Variants in TSPAN5 observed in about 807,000 individuals in gnomAD.
The protein encoded by TSPAN5 is tetraspanin-5.
A neutral mutation model predicts 37.1 loss-of-function variants in TSPAN5; 10 were observed. The observed-to-expected ratio is 0.27, with a 90% confidence interval of 0.17 to 0.46. The LOEUF is 0.46. Among genes scored for constraint, TSPAN5 ranks in the 20% least tolerant of loss-of-function variants. The probability of loss-of-function intolerance (pLI) is 1.00; values close to 1 mark genes in which losing one functional copy is unlikely to be tolerated. For missense variants in TSPAN5, 195 were observed against 326.6 expected (o/e 0.60, Z 3.11); for synonymous variants, 110 against 118.9 (o/e 0.93, Z 0.48).
intron 1 of TSPAN5, among the ~76,000 whole-genome samples, chr4:98,555,877 C>T (rs1754730656): frequency 6.6e-6 from 1 of 152,080 alleles, no homozygotes; most frequent in Non-Finnish European, 1.5e-5. Flanking sequence ...CAAAAAGGAT[C>T]CACCACACTG....
At chr4:98,498,211 CAG>C (rs1206048461) in intron 2 of TSPAN5, among the ~76,000 whole-genome samples, 1 of 152,094 alleles carries the variant, frequency 6.6e-6, no homozygotes, top group African/African-American at 2.4e-5. Context: ...TGTGAGGAGA[CAG>C]ACACAGAGAG....
chr4:98,478,953 TA>T (rs1752771006), intron 4 of TSPAN5, 143 bp from the exon 5 acceptor site: 1 of 988,722 alleles, frequency 1.0e-6, no homozygotes, highest in African/African-American at 1.6e-5. Flanking sequence ...AAACTGAACC[TA>T]AATGGCCCAT....
intron 1 of TSPAN5, among the ~76,000 whole-genome samples, chr4:98,552,223 G>T (rs1402934667): frequency 6.6e-6 from 1 of 151,918 alleles, no homozygotes; most frequent in South Asian, 2.1e-4. Flanking sequence ...TCTGATCTTT[G>T]TCGCTTATTT....
chr4:98,579,978 A>G (rs1219082676), intron 1 of TSPAN5, among the ~76,000 whole-genome samples: 1 of 152,232 alleles, frequency 6.6e-6, no homozygotes, highest in Non-Finnish European at 1.5e-5. Flanking sequence ...CGTATCATAT[A>G]TATGACTATA....
chr4:98,479,659 A>C (rs1752790807), intron 4 of TSPAN5, among the ~76,000 whole-genome samples: 1 of 152,180 alleles, frequency 6.6e-6, no homozygotes, highest in Non-Finnish European at 1.5e-5. Flanking sequence ...CTTTAGGGTT[A>C]AGGCATACTC....
At chr4:98,524,004 G>GTA (rs546849915) in intron 1 of TSPAN5, among the ~76,000 whole-genome samples, 1 of 152,140 alleles carries the variant, frequency 6.6e-6, no homozygotes, top group Non-Finnish European at 1.5e-5. Flanking sequence ...TGTGTTTTAT[G>GTA]TATAGTAGGC....
chr4:98,546,385 T>C (rs964042800), intron 1 of TSPAN5, among the ~76,000 whole-genome samples: 2 of 152,162 alleles, frequency 1.3e-5, no homozygotes, highest in African/African-American at 4.8e-5. Flanking sequence ...TCCCTGAGTA[T>C]CCCTGAGAGG....
chr4:98,484,382 T>G, intron 3 of TSPAN5: 1 of 451,830 alleles, frequency 2.2e-6, no homozygotes, highest in Non-Finnish European at 4.4e-6. Flanking sequence ...GACGTTTACT[T>G]ACTACTTATC....
intron 1 of TSPAN5, among the ~76,000 whole-genome samples, chr4:98,615,083 G>A (rs977410710): frequency 6.6e-6 from 1 of 152,332 alleles, no homozygotes; most frequent in African/African-American, 2.4e-5. Context: ...CCCCAGTGCT[G>A]CCTTGGATCG....
intron 1 of TSPAN5, among the ~76,000 whole-genome samples, chr4:98,542,011 T>C (rs1184672752): frequency 6.6e-6 from 1 of 152,216 alleles, no homozygotes; most frequent in East Asian, 1.9e-4. Flanking sequence ...CAAAACATAT[T>C]GTCTAAAGCC....
At chr4:98,524,480 T>A (rs1753919599) in intron 1 of TSPAN5, among the ~76,000 whole-genome samples, 1 of 152,188 alleles carries the variant, frequency 6.6e-6, no homozygotes, top group Non-Finnish European at 1.5e-5. Context: ...GTGCTCCATG[T>A]CAATCCTATC....
chr4:98,569,174 C>A (rs771205939), intron 1 of TSPAN5, among the ~76,000 whole-genome samples: 1 of 152,162 alleles, frequency 6.6e-6, no homozygotes, highest in Non-Finnish European at 1.5e-5. Flanking sequence ...TGGCTTCCCA[C>A]GAAGGCCTGA....
chr4:98,634,171 C>T (rs1169423370), intron 1 of TSPAN5, among the ~76,000 whole-genome samples: 1 of 152,142 alleles, frequency 6.6e-6, no homozygotes, highest in African/African-American at 2.4e-5. Flanking sequence ...CTCCATTTCA[C>T]AAAGCACTGA....
At chr4:98,496,161 G>C (rs1321920246) in intron 2 of TSPAN5, among the ~76,000 whole-genome samples, 2 of 152,178 alleles carry the variant, frequency 1.3e-5, no homozygotes, top group African/African-American at 4.8e-5. Context: ...GGTGATCCTG[G>C]AGAGTTAGAA....
At chr4:98,514,960 T>C (rs187989199) in intron 1 of TSPAN5, among the ~76,000 whole-genome samples, 28 of 152,228 alleles carry the variant, frequency 1.8e-4, no homozygotes, top group African/African-American at 6.5e-4. Flanking sequence ...CACGGGCTTG[T>C]CATGTGGCAG....
At chr4:98,533,717 A>AT (rs1754158976) in intron 1 of TSPAN5, among the ~76,000 whole-genome samples, 1 of 147,616 alleles carries the variant, frequency 6.8e-6, no homozygotes, top group South Asian at 2.2e-4. Context: ...AGCCTGGCTA[A>AT]TTTTTTGTAT....
chr4:98,484,461 TTAAGA>T (rs1285485559), intron 3 of TSPAN5: 18 of 455,920 alleles, frequency 3.9e-5, no homozygotes, highest in African/African-American at 3.4e-4. Context: ...GAGAGGCCAT[TTAAGA>T]TATTTTCCAA....
intron 3 of TSPAN5, chr4:98,485,225 A>T (rs1464089374): frequency 1.3e-5 from 2 of 152,608 alleles, no homozygotes; most frequent in African/African-American, 4.8e-5. Context: ...AAAGCTGGCA[A>T]GGTGAGCTGA....
intron 1 of TSPAN5, among the ~76,000 whole-genome samples, chr4:98,523,674 A>T (rs1251516900): frequency 6.6e-6 from 1 of 152,220 alleles, no homozygotes; most frequent in East Asian, 1.9e-4. Flanking sequence ...CTTGGCCTCA[A>T]GTGATCCACC....
Sources: gnomAD v4.1 joint callset for allele counts (sites outside exome capture counted in the v4.1 genomes callset) on GRCh38, gnomAD v4.1.1 for gene constraint, MANE v1.5 for transcripts, NCBI Gene and HGNC (gene_info 2026-07-23, HGNC 2026-07-21) for gene names.